CSMD1: variants seen among roughly 807,000 people sequenced by gnomAD.
The protein encoded by CSMD1 is CUB and Sushi multiple domains 1.
In CSMD1, 213 loss-of-function variants were observed where a neutral mutation model predicts 417.5. The observed-to-expected ratio is 0.51, with a 90% CI of 0.46 to 0.57. The LOEUF is 0.57. Ranked by LOEUF, CSMD1 falls within the 20% of genes least tolerant of loss-of-function variation. CSMD1 has a pLI of 0.00. For missense variants in CSMD1, 6,923 were observed against 4,529.7 expected, an observed-to-expected ratio of 1.53 and a Z score of -15.17; for synonymous variants, 2,862 against 1,736.8, an observed-to-expected ratio of 1.65 and a Z score of -16.11.
At chr8:4,315,486 A>T (rs1023997188) in intron 3 of CSMD1, among the ~76,000 whole-genome samples, 3 of 152,206 alleles carry the variant, frequency 2.0e-5, no homozygotes, top group Non-Finnish European at 2.9e-5. Flanking sequence ...CTCAAGATAA[A>T]GGATAAATAA....
chr8:4,154,352 G>C (rs1353880979), intron 3 of CSMD1, among the ~76,000 whole-genome samples: 3 of 152,212 alleles, frequency 2.0e-5, no homozygotes, highest in African/African-American at 7.2e-5. Flanking sequence ...ATTCAGTCAA[G>C]CAAATGTCCA....
chr8:4,263,365 C>A (rs1804017859), intron 3 of CSMD1, among the ~76,000 whole-genome samples: 1 of 152,140 alleles, frequency 6.6e-6, no homozygotes, highest in African/African-American at 2.4e-5. Flanking sequence ...CAAACTGCAA[C>A]AGAATAAAAA....
chr8:4,146,330 C>A lies in CSMD1; in HGVS notation c.416-114231G>T, dbSNP rs190266481. 4.0e-5 allele frequency among the ~76,000 whole-genome samples: 6 copies of A among 150,852 alleles called. No homozygotes were observed. The East Asian group carries it at 9.7e-4, about 24-fold the overall frequency. On this transcript the variant is annotated intron_variant, in intron 3 of 69. Coordinates refer to ENST00000635120, the MANE Select transcript of CSMD1 (RefSeq NM_033225.6). ...TGCTTGGTGTCTGACACATCCAAAG[C>A]AGGTGGATTCATTCTGATAAGCTTC...
Position 4,914,845 on chromosome 8 carries a change from C to G in CSMD1, c.85+79487G>C, listed in dbSNP as rs371242698. ...GCCTGTGGACATCAGGGAGTTTCAC[C>G]TACTGCTATTTCACCTTCACCTCCT... On this transcript the variant is annotated intron_variant, in intron 1 of 69. Coordinates refer to ENST00000635120, the MANE Select transcript of CSMD1 (RefSeq NM_033225.6). 5.9e-5 allele frequency among the ~76,000 whole-genome samples: 9 copies of G among 152,252 alleles called. No individual in the cohort carries two copies. In the East Asian group the frequency reaches 1.5e-3, roughly 26 times the overall value.
chr8:3,718,278 A>G (rs1801954150), intron 6 of CSMD1, among the ~76,000 whole-genome samples: 1 of 140,754 alleles, frequency 7.1e-6, no homozygotes, highest in Non-Finnish European at 1.5e-5. Flanking sequence ...CAGCTTACAA[A>G]TATTCAGGCA....
At chr8:4,559,777 G>A (rs954529693) in intron 2 of CSMD1, among the ~76,000 whole-genome samples, 3 of 152,188 alleles carry the variant, frequency 2.0e-5, no homozygotes, top group Non-Finnish European at 4.4e-5. Flanking sequence ...AGTGCAGCCT[G>A]GTGCATTTTC....
intron 5 of CSMD1, among the ~76,000 whole-genome samples, chr8:3,874,196 T>C (rs1398380565): frequency 1.3e-5 from 2 of 152,270 alleles, no homozygotes; most frequent in Admixed American, 6.5e-5. Flanking sequence ...TCCACAGCCA[T>C]GGAGAAGACC....
At chr8:4,682,629 A>G (rs1806121414) in intron 1 of CSMD1, among the ~76,000 whole-genome samples, 2 of 152,010 alleles carry the variant, frequency 1.3e-5, no homozygotes, top group South Asian at 4.1e-4. Flanking sequence ...TCTTAAAGGT[A>G]TTTATTTGTA....
At chr8:4,839,626 G>A (rs958005959) in intron 1 of CSMD1, among the ~76,000 whole-genome samples, 6 of 152,112 alleles carry the variant, frequency 3.9e-5, no homozygotes, top group African/African-American at 1.2e-4. Flanking sequence ...CACTTAAGAA[G>A]AACTTGTTCC....
At chr8:3,829,750 C>T (rs865846398) in intron 5 of CSMD1, among the ~76,000 whole-genome samples, 3 of 152,138 alleles carry the variant, frequency 2.0e-5, no homozygotes, top group African/African-American at 7.2e-5. Context: ...TCTCATTATA[C>T]CCCAATTATG....
intron 8 of CSMD1, among the ~76,000 whole-genome samples, chr8:3,605,691 T>C (rs1211479515): frequency 1.3e-5 from 2 of 152,210 alleles, no homozygotes; most frequent in Non-Finnish European, 2.9e-5. Context: ...GATAAAAATA[T>C]GCTAAGACAA....
intron 9 of CSMD1, among the ~76,000 whole-genome samples, chr8:3,582,150 TG>T (rs1178932841): frequency 6.6e-6 from 1 of 152,202 alleles, no homozygotes; most frequent in African/African-American, 2.4e-5. Flanking sequence ...CAAATGAACT[TG>T]GAAAATGGTC....
At chr8:4,808,251 C>T (rs1192863387) in intron 1 of CSMD1, among the ~76,000 whole-genome samples, 1 of 152,132 alleles carries the variant, frequency 6.6e-6, no homozygotes, top group East Asian at 1.9e-4. Context: ...GAACGATGAT[C>T]AGAGCATTTA....
At chr8:4,942,615 A>C (rs976070698) in intron 1 of CSMD1, among the ~76,000 whole-genome samples, 2 of 152,244 alleles carry the variant, frequency 1.3e-5, no homozygotes, top group African/African-American at 4.8e-5. Context: ...CTAATGTTCC[A>C]ATATGGATCT....
In CSMD1 at chr8:4,971,833, C is replaced by G. The variant is rs117657378; in HGVS notation, c.85+22499G>C. ...AGAATTTAAAGATAAGTTGATTTGT[C>G]TCATTAATTTTAATTCAGGAAGAAA... On this transcript the variant is annotated intron_variant, in intron 1 of 69. Transcript: ENST00000635120. 1.3e-3 allele frequency among the ~76,000 whole-genome samples: 199 copies of G among 151,966 alleles called. 1 individual carries two copies. In the East Asian group the frequency reaches 0.03, roughly 23 times the overall value.
rs1219165882 is a variant in CSMD1 at position 3,752,693 on chromosome 8, A to AC, written c.931+1236_931+1237insG. Among the ~76,000 whole-genome samples the AC allele has an allele frequency of 4.5e-4, 30 of 66,286 alleles. No individual in the cohort carries two copies. In the East Asian group the frequency reaches 9.1e-3, roughly 20 times the overall value. The allele number at this position is 66,286 out of a possible 152,430, so 43.5% of individuals were successfully genotyped here. A position where few individuals can be genotyped will look rare whatever the true frequency, so the allele number is the denominator to read the frequency against. On this transcript the variant is annotated intron_variant, in intron 6 of 69. Coordinates refer to ENST00000635120, the MANE Select transcript of CSMD1 (RefSeq NM_033225.6). Reference sequence around the variant, plus strand: ...CCGCCTGGCAAAAAAAAAAAAAAAAAAAAAAAAAAAACATATTTTGTTGAA... The same window carrying AC: ...CCGCCTGGCAAAAAAAAAAAAAAAAACAAAAAAAAAAACATATTTTGTTGAA...
At chr8:3,489,464 G>A (rs188571465) in intron 11 of CSMD1, among the ~76,000 whole-genome samples, 2 of 152,290 alleles carry the variant, frequency 1.3e-5, no homozygotes, top group East Asian at 3.9e-4. Flanking sequence ...AGGCCAGAGG[G>A]AATCCAGGGA....
chr8:4,059,219 A>T (rs1798847556), intron 3 of CSMD1, among the ~76,000 whole-genome samples: 1 of 152,222 alleles, frequency 6.6e-6, no homozygotes, highest in African/African-American at 2.4e-5. Context: ...ATGAAGGCAG[A>T]AATAAAGATG....
chr8:4,859,385 G>C (rs1037930781), intron 1 of CSMD1, among the ~76,000 whole-genome samples: 1 of 152,104 alleles, frequency 6.6e-6, no homozygotes, highest in South Asian at 2.1e-4. Context: ...AACACAAAAA[G>C]CAATAGCAAC....
Sources: gnomAD v4.1 joint callset for allele counts (sites outside exome capture counted in the v4.1 genomes callset) on GRCh38, gnomAD v4.1.1 for gene constraint, MANE v1.5 for transcripts, NCBI Gene and HGNC (gene_info 2026-07-23, HGNC 2026-07-21) for gene names.